The following ASCC3 variants were observed in gnomAD, a reference collection of about 807,000 sequenced individuals.
ASCC3 encodes activating signal cointegrator 1 complex subunit 3, also known as ASC-1 complex subunit P200.
ASCC3 carries 158 observed loss-of-function variants against 256.3 expected under a neutral mutation model. That is an observed-to-expected ratio of 0.62 (90% CI 0.54 to 0.70). ASCC3 has a LOEUF of 0.70. Ranked by LOEUF, ASCC3 falls within the 30% of genes least tolerant of loss-of-function variation. The pLI is 0.00. For synonymous variants in ASCC3, 948 were observed against 883.4 expected (o/e 1.07, Z -1.30); for missense variants, 2,259 against 2,626.0 (o/e 0.86, Z 3.05).
chr6:100,799,231 A>C (rs1451624905), intron 7 of ASCC3, among the ~76,000 whole-genome samples, 200 bp downstream of exon 7: 2 of 152,056 alleles, frequency 1.3e-5, no homozygotes, highest in Non-Finnish European at 2.9e-5. Flanking sequence ...AATGAAAAGG[A>C]GGGAAACATA....
At chr6:100,872,827 T>C (rs1773812497) in intron 1 of ASCC3, among the ~76,000 whole-genome samples, 1 of 152,054 alleles carries the variant, frequency 6.6e-6, no homozygotes, top group Non-Finnish European at 1.5e-5. Context: ...GCCATATCCC[T>C]AGGAAAAGGG....
rs371944673 is a variant in ASCC3, at chr6:100,647,351, T to C, written c.3353A>G (p.Lys1118Arg). The C allele has an allele frequency of 5.0e-6, 8 of 1,613,878 alleles. No homozygotes were observed. Among genetic ancestry groups the C allele is most frequent in the African/African-American group, 2.7e-5 (2 of 74,902 alleles). The change falls in exon 21 of 42, where the codon AAG (lysine) becomes AGG (arginine). Residue 1118 changes from lysine to arginine, a missense_variant. Transcript: ENST00000369162. ...AGGGCTAGCCCAACCCCAAAGCCTCTTGTCAATGACTTTACTAAGATTCAG... is the reference window on the plus strand; with the variant it reads ...AGGGCTAGCCCAACCCCAAAGCCTCCTGTCAATGACTTTACTAAGATTCAG... Reference protein sequence around the residue: ...RLLNLSKVIDKRLWGWASPLR... With the variant: ...RLLNLSKVIDRRLWGWASPLR...
At chr6:100,739,847 T>C (rs1487222609) in intron 10 of ASCC3, among the ~76,000 whole-genome samples, 2 of 152,226 alleles carry the variant, frequency 1.3e-5, no homozygotes, top group East Asian at 3.9e-4. Context: ...GTCTAGCTAG[T>C]GGTCTAACAA....
rs1028827294 is a variant in ASCC3 at position 100,848,075 on chromosome 6, C to A, written c.801+73G>T. The A allele has an allele frequency of 1.9e-5, 26 of 1,402,338 alleles. 1 individual carries two copies. In the East Asian group the frequency reaches 3.3e-4, roughly 18 times the overall value. 86.9% of individuals were successfully genotyped at this position (1,402,338 alleles called of 1,614,324 possible). ...ATTAAAGAACTTTCTTTGCTAACCA[C>A]CCATGTTTAAAAAACACTATTTCAT... On this transcript the variant is annotated intron_variant, in intron 4 of 41. Transcript: ENST00000369162.
rs138931301 is a variant in ASCC3 at position 100,625,384 on chromosome 6, T to TA, written c.4643-51dup. 1,834 of 1,592,684 alleles carry TA rather than the reference T, an allele frequency of 1.2e-3. 31 individuals are homozygous for TA. The East Asian group carries it at 0.028, about 24-fold the overall frequency. On this transcript the variant is annotated intron_variant, in intron 29 of 41. Transcript: ENST00000369162. The stretch of plus-strand genomic sequence containing the variant: ...AATGGAAAGATACTTAACCCCAGAA[T>TA]ATGAATTTCATTAGGATATCAAATG...
intron 5 of ASCC3, among the ~76,000 whole-genome samples, chr6:100,805,510 A>G (rs1431087973): frequency 6.6e-6 from 1 of 152,138 alleles, no homozygotes; most frequent in Non-Finnish European, 1.5e-5. Flanking sequence ...TATGCAAAAT[A>G]AAAGAAGAAA....
intron 8 of ASCC3, among the ~76,000 whole-genome samples, chr6:100,783,508 G>A (rs80235775): frequency 0.013 from 2,031 of 152,244 alleles, 20 homozygotes; most frequent in East Asian, 0.045. Context: ...CAAGTGTCAG[G>A]CTTTGAGGAC....
At chr6:100,829,294 G>C (rs1771497247) in intron 4 of ASCC3, among the ~76,000 whole-genome samples, 1 of 152,152 alleles carries the variant, frequency 6.6e-6, no homozygotes. Context: ...GGCGCTCATG[G>C]AGGAGGCTCC....
intron 11 of ASCC3, among the ~76,000 whole-genome samples, chr6:100,723,034 T>C (rs1257117182): frequency 2.6e-5 from 4 of 151,934 alleles, no homozygotes; most frequent in East Asian, 3.9e-4. Flanking sequence ...GTTTGATATA[T>C]AGAAGTGAAA....
chr6:100,577,402 C>T (rs79405063), intron 36 of ASCC3, among the ~76,000 whole-genome samples: 5,168 of 151,958 alleles, frequency 0.034, 268 homozygotes, highest in African/African-American at 0.12. Flanking sequence ...CCTTTGCCTC[C>T]CTAGACCAAA....
intron 4 of ASCC3, among the ~76,000 whole-genome samples, chr6:100,811,788 T>C (rs1430197562): frequency 2.6e-5 from 4 of 151,836 alleles, no homozygotes; most frequent in East Asian, 1.9e-4. Flanking sequence ...AAGGACTAGG[T>C]TGTATAGGAG....
chr6:100,530,419 C>G, intron 37 of ASCC3: 1 of 941,956 alleles, frequency 1.1e-6, no homozygotes, highest in Non-Finnish European at 1.8e-6. Context: ...TTCCAAAATC[C>G]TGAACTTTAT....
chr6:100,612,934 G>C (rs553986792), intron 30 of ASCC3, among the ~76,000 whole-genome samples: 12 of 119,120 alleles, frequency 1.0e-4, no homozygotes, highest in African/African-American at 3.0e-4. Context: ...AAATATATAA[G>C]TGAAATATAA....
At chr6:100,716,919 A>G (rs994537005) in intron 12 of ASCC3, among the ~76,000 whole-genome samples, 7 of 152,004 alleles carry the variant, frequency 4.6e-5, no homozygotes, top group African/African-American at 1.4e-4. Context: ...AAAGCTGAAA[A>G]CATTCTAAAG....
chr6:100,679,876 A>G, intron 13 of ASCC3, 124 bp from the exon 14 acceptor site: 1 of 1,021,970 alleles, frequency 9.8e-7, no homozygotes, highest in Non-Finnish European at 1.5e-6. Flanking sequence ...AAATTTACGA[A>G]TTCTCCAACA....
chr6:100,534,833 T>C (rs979270015), intron 37 of ASCC3, among the ~76,000 whole-genome samples: 3 of 152,206 alleles, frequency 2.0e-5, no homozygotes, highest in Admixed American at 6.5e-5. Flanking sequence ...ACTACAACTA[T>C]GTTTTTCTTT....
chr6:100,625,139 A>T, intron 30 of ASCC3, 53 bp downstream of exon 30: 2 of 1,597,024 alleles, frequency 1.3e-6, no homozygotes, highest in Non-Finnish European at 1.7e-6. Context: ...GATCATTCTA[A>T]TATAATACAA....
chr6:100,554,632 T>A (rs528912724), intron 36 of ASCC3, among the ~76,000 whole-genome samples: 1 of 152,188 alleles, frequency 6.6e-6, no homozygotes, highest in Non-Finnish European at 1.5e-5. Context: ...CCAAAATTAG[T>A]TTCTCACATT....
At chr6:100,592,909 G>A (rs1415690091) in intron 34 of ASCC3, among the ~76,000 whole-genome samples, 2 of 152,078 alleles carry the variant, frequency 1.3e-5, no homozygotes, top group African/African-American at 4.8e-5. Flanking sequence ...GTAGTTTTAT[G>A]TTCACTGCAT....
Sources: gnomAD v4.1 joint callset for allele counts (sites outside exome capture counted in the v4.1 genomes callset) on GRCh38, gnomAD v4.1.1 for gene constraint, MANE v1.5 for transcripts, NCBI Gene and HGNC (gene_info 2026-07-23, HGNC 2026-07-21) for gene names.